Variants in ANO2 observed in about 807,000 individuals in gnomAD.
The protein encoded by ANO2 is anoctamin-2.
Under a neutral mutation model 124.2 loss-of-function variants are expected in ANO2, and 101 were observed. The observed-to-expected ratio is 0.81, with a 90% CI of 0.69 to 0.96. ANO2 has a LOEUF of 0.96. ANO2 is among the 40% of genes least tolerant of loss of function. The pLI, the probability that ANO2 is intolerant of heterozygous loss-of-function variation, is 0.00. For synonymous variants in ANO2, 486 were observed against 482.5 expected (o/e 1.01, Z -0.09); for missense variants, 1,293 against 1,274.5 (o/e 1.01, Z -0.22).
In ANO2 at chr12:5,926,433, G is replaced by C. The variant is rs11836325; in HGVS notation, c.23-3629C>G. Among the ~76,000 whole-genome samples, 353 of 152,162 alleles carry C rather than the reference G, an allele frequency of 2.3e-3. 2 individuals are homozygous for C. The highest frequency in any genetic ancestry group is 8.2e-3 in the African/African-American group (341 of 41,520). ...AACTTATGGGGCTCCCATGGCTCTC[G>C]GGCTGGGACTCTGCATTCTGCCCCG... On this transcript the variant is annotated intron_variant, in intron 1 of 24. Transcript: ENST00000682330.
At chr12:5,749,047 G>C (rs1397832701) in intron 11 of ANO2, among the ~76,000 whole-genome samples, 2 of 152,132 alleles carry the variant, frequency 1.3e-5, no homozygotes, top group African/African-American at 4.8e-5. Context: ...CATTGATTTA[G>C]TTTTATTCTA....
chr12:5,912,663 G>A (rs533516917), intron 3 of ANO2, among the ~76,000 whole-genome samples: 8 of 152,260 alleles, frequency 5.3e-5, no homozygotes, highest in Non-Finnish European at 7.4e-5. Context: ...TCAGCTGTGC[G>A]GTCCCAGGGG....
chr12:5,897,839 A>T (rs1045226213), intron 3 of ANO2, among the ~76,000 whole-genome samples: 2 of 152,176 alleles, frequency 1.3e-5, no homozygotes, highest in Non-Finnish European at 2.9e-5. Context: ...CTTAGCTTGG[A>T]TAGGTGATAA....
chr12:5,653,164 G>C (rs771405683), intron 14 of ANO2, among the ~76,000 whole-genome samples: 31 of 152,170 alleles, frequency 2.0e-4, no homozygotes, highest in African/African-American at 7.5e-4. Context: ...GCAGGCTGTG[G>C]TCCTCATTCT....
At position 5,592,304 on chromosome 12, in the gene ANO2, A is replaced by G. The variant is rs188033835; in HGVS notation, c.2233+7180T>C. 4.6e-5 allele frequency among the ~76,000 whole-genome samples: 7 copies of G among 152,294 alleles called. No homozygotes were observed. In the East Asian group the frequency reaches 5.8e-4, roughly 13 times the overall value. On this transcript the variant is annotated intron_variant, in intron 20 of 24. Coordinates refer to ENST00000682330, the MANE Select transcript of ANO2 (RefSeq NM_001364791.2). ...CATTGTCCCTGTCCCCAAAGCACTC[A>G]CATGTTTGAAAGGGTGCAGGTACAG...
chr12:5,688,706 G>C (rs183614751), intron 14 of ANO2, among the ~76,000 whole-genome samples: 1 of 152,140 alleles, frequency 6.6e-6, no homozygotes, highest in Non-Finnish European at 1.5e-5. Context: ...AAATGTAATA[G>C]GGCCTGGGCA....
chr12:5,796,064 G>A (rs898993146), intron 10 of ANO2, among the ~76,000 whole-genome samples: 1 of 151,984 alleles, frequency 6.6e-6, no homozygotes, highest in African/African-American at 2.4e-5. Flanking sequence ...TCTGGATTGG[G>A]GTGCACTCAC....
At chr12:5,930,766 C>G (rs1022661781) in intron 1 of ANO2, among the ~76,000 whole-genome samples, 2 of 152,182 alleles carry the variant, frequency 1.3e-5, no homozygotes, top group African/African-American at 4.8e-5. Context: ...CCTGATTACC[C>G]CACCCCTTGC....
At position 5,583,440 on chromosome 12, in the gene ANO2, T is replaced by G. The variant is rs893163383; in HGVS notation, c.2234-4922A>C. Reference sequence around the variant, plus strand: ...AGGCCGAGGCGGGCGGATCACAAGGTCAGGAGATCGAGACCATCTTGGCTA... The same window carrying G: ...AGGCCGAGGCGGGCGGATCACAAGGGCAGGAGATCGAGACCATCTTGGCTA... On this transcript the variant is annotated intron_variant, in intron 20 of 24. Coordinates refer to ENST00000682330, the MANE Select transcript of ANO2 (RefSeq NM_001364791.2). Among the ~76,000 whole-genome samples the G allele has an allele frequency of 2.6e-5, 4 of 151,608 alleles. No homozygotes were observed. The East Asian group carries it at 5.8e-4, about 22-fold the overall frequency.
At chr12:5,605,231 T>C (rs191969203) in intron 19 of ANO2, among the ~76,000 whole-genome samples, 18 of 152,364 alleles carry the variant, frequency 1.2e-4, no homozygotes, top group Non-Finnish European at 1.9e-4. Flanking sequence ...GGTTCAAATT[T>C]GTTCCTTAAA....
At chr12:5,639,695 A>G (rs1170145511) in intron 15 of ANO2, among the ~76,000 whole-genome samples, 1 of 152,206 alleles carries the variant, frequency 6.6e-6, no homozygotes, top group Non-Finnish European at 1.5e-5. Flanking sequence ...GGAGATGGGC[A>G]GGCAGCCAGG....
intron 4 of ANO2, among the ~76,000 whole-genome samples, chr12:5,843,475 G>C (rs1463212637): frequency 6.6e-6 from 1 of 151,988 alleles, no homozygotes; most frequent in African/African-American, 2.4e-5. Context: ...GCTTGAACCT[G>C]AGCGACAGAG....
chr12:5,795,786 G>C (rs1196462989), intron 10 of ANO2, among the ~76,000 whole-genome samples: 1 of 152,028 alleles, frequency 6.6e-6, no homozygotes, highest in Non-Finnish European at 1.5e-5. Context: ...GACTAGTATT[G>C]GGTCAGACCT....
intron 15 of ANO2, among the ~76,000 whole-genome samples, chr12:5,640,905 C>T (rs1946344048): frequency 1.3e-5 from 2 of 152,192 alleles, no homozygotes; most frequent in Admixed American, 6.5e-5. Flanking sequence ...AATCAATCTA[C>T]TATAAAGACA....
At chr12:5,920,604 A>G (rs7397927) in intron 3 of ANO2, among the ~76,000 whole-genome samples, 141,538 of 152,146 alleles carry the variant, frequency 0.93, 66,725 homozygotes, top group East Asian at 1. Flanking sequence ...GGTGGCTCAC[A>G]CCTGTAATCC....
At chr12:5,695,308 G>A (rs1949122274) in intron 14 of ANO2, among the ~76,000 whole-genome samples, 1 of 110,504 alleles carries the variant, frequency 9.0e-6, no homozygotes, top group South Asian at 3.9e-4. Context: ...TGGAACGACT[G>A]ACTCACCAAG....
intron 7 of ANO2, among the ~76,000 whole-genome samples, chr12:5,808,389 A>C (rs901247432): frequency 4.6e-5 from 7 of 152,174 alleles, no homozygotes; most frequent in Non-Finnish European, 1.0e-4. Flanking sequence ...TTCAGAGACT[A>C]TAAAGTGGTC....
chr12:5,588,502 CTCT>C (rs1226671401), intron 20 of ANO2, among the ~76,000 whole-genome samples: 2 of 152,186 alleles, frequency 1.3e-5, no homozygotes, highest in Non-Finnish European at 2.9e-5. Context: ...TACCCTGGGC[CTCT>C]TGGCTTTGAG....
chr12:5,672,150 A>G (rs1157186631), intron 14 of ANO2, among the ~76,000 whole-genome samples: 2 of 152,066 alleles, frequency 1.3e-5, no homozygotes, highest in Non-Finnish European at 2.9e-5. Flanking sequence ...CACCGCACCA[A>G]TTCCCCACAG....
Sources: allele counts gnomAD v4.1 joint callset (sites outside exome capture counted in the v4.1 genomes callset), GRCh38; gene constraint gnomAD v4.1.1; transcripts MANE v1.5; gene names NCBI Gene and HGNC (gene_info 2026-07-23, HGNC 2026-07-21).